CEP162: variants seen among roughly 807,000 people sequenced by gnomAD.
The protein encoded by CEP162 is centrosomal protein 162.
CEP162 carries 141 observed loss-of-function variants against 169.2 expected under a neutral mutation model. That is an observed-to-expected ratio of 0.83 (90% CI 0.73 to 0.96). CEP162 has a LOEUF of 0.96. Among genes scored for constraint, CEP162 ranks in the 40% least tolerant of loss-of-function variants. CEP162 has a pLI of 0.00. For synonymous variants in CEP162, 540 were observed against 526.4 expected, an observed-to-expected ratio of 1.03 and a Z score of -0.35; for missense variants, 1,600 against 1,587.2, an observed-to-expected ratio of 1.01 and a Z score of -0.14.
At chr6:84,192,399 G>A (rs1175936638) in intron 11 of CEP162, among the ~76,000 whole-genome samples, 1 of 152,200 alleles carries the variant, frequency 6.6e-6, no homozygotes, top group Admixed American at 6.5e-5. Flanking sequence ...GAAAATCTCT[G>A]TAGTTACCGC....
chr6:84,186,819 G>A (rs892414470), intron 11 of CEP162, among the ~76,000 whole-genome samples, 196 bp from the exon 12 acceptor site: 7 of 151,932 alleles, frequency 4.6e-5, no homozygotes, highest in Non-Finnish European at 8.8e-5. Flanking sequence ...TTTTAATTTC[G>A]GATAATAATT....
chr6:84,159,523 T>TTATATATATATATATATATATATATA (rs1554166777), intron 21 of CEP162, among the ~76,000 whole-genome samples: 1 of 37,142 alleles, frequency 2.7e-5, no homozygotes, highest in African/African-American at 1.1e-4. Context: ...AATTAATTAT[T>TTATATATATATATATATATATATATA]TATATATATA....
At chr6:84,147,134 C>T (rs538797114) in intron 24 of CEP162, among the ~76,000 whole-genome samples, 1 of 152,098 alleles carries the variant, frequency 6.6e-6, no homozygotes, top group East Asian at 1.9e-4. Flanking sequence ...GATATATATA[C>T]CCAATGGAAT....
chr6:84,133,630 G>A (rs1355787823), intron 25 of CEP162, among the ~76,000 whole-genome samples: 1 of 152,194 alleles, frequency 6.6e-6, no homozygotes, highest in Non-Finnish European at 1.5e-5. Context: ...TGCTAGCAGT[G>A]AGCAAGGCTC....
At chr6:84,216,659 T>C (rs2127751335) in intron 3 of CEP162, among the ~76,000 whole-genome samples, 1 of 152,338 alleles carries the variant, frequency 6.6e-6, no homozygotes, top group African/African-American at 2.4e-5. Context: ...ATTATAGATA[T>C]TTCTTAGACA....
chr6:84,193,676 C>A lies in CEP162; in HGVS notation c.1042G>T (p.Glu348Ter). 1 of 1,563,396 alleles carries A rather than the reference C, an allele frequency of 6.4e-7. No homozygotes were observed. The highest frequency in any genetic ancestry group is 2.3e-5 in the East Asian group (1 of 42,788). The change falls in exon 11 of 27, where the codon GAG (glutamate) becomes TAG (stop). Residue 348 changes from glutamate to a stop codon, truncating the protein, a stop_gained. Transcript: ENST00000403245. LOFTEE classifies it high-confidence loss of function. ...STMESDLPTVEELMKPIRIDS... is the reference protein window; with the variant it reads ...STMESDLPTV Reference sequence around the variant, plus strand: ...ATTCTGATAGGTTTCATCAGCTCCTCTACTGTGGGCAGATCTAAGAGGTGG... The same window carrying A: ...ATTCTGATAGGTTTCATCAGCTCCTATACTGTGGGCAGATCTAAGAGGTGG...
intron 15 of CEP162, 100 bp from the exon 16 acceptor site, chr6:84,174,288 CT>C: frequency 1.1e-6 from 1 of 940,062 alleles, no homozygotes; most frequent in South Asian, 1.7e-5. Context: ...CGAAAACTGT[CT>C]TATAATATTG....
intron 13 of CEP162, among the ~76,000 whole-genome samples, chr6:84,177,542 T>C (rs1253483760): frequency 6.6e-6 from 1 of 152,112 alleles, no homozygotes; most frequent in East Asian, 1.9e-4. Context: ...ATAATCTTTA[T>C]TTATTTATTT....
At position 84,152,628 on chromosome 6, in the gene CEP162, C is replaced by A; in HGVS notation, c.3546G>T (p.Glu1182Asp). ...VLQENYRLKN[E>D]LEGLISEKNE... ...TCTTCTCTGAAATTAATCCTTCTAGCTCATTTTTTAATCTGTAGTTTTCTT... is the reference window on the plus strand; with the variant it reads ...TCTTCTCTGAAATTAATCCTTCTAGATCATTTTTTAATCTGTAGTTTTCTT... The change falls in exon 23 of 27, where the codon GAG (glutamate) becomes GAT (aspartate). Residue 1182 changes from glutamate (E) to aspartate (D), a missense_variant. Coordinates refer to ENST00000403245, the MANE Select transcript of CEP162 (RefSeq NM_014895.4). 1 of 1,584,200 alleles carries A rather than the reference C, an allele frequency of 6.3e-7. No homozygotes were observed. Among genetic ancestry groups the A allele is most frequent in the Non-Finnish European group, 8.6e-7 (1 of 1,163,882 alleles).
intron 6 of CEP162, among the ~76,000 whole-genome samples, chr6:84,212,519 A>T (rs1446457823): frequency 4.4e-4 from 67 of 152,234 alleles, no homozygotes; most frequent in Non-Finnish European, 3.4e-4. Flanking sequence ...AGGGCAACTA[A>T]GAAAAAAATA....
chr6:84,151,249 A>G (rs1004723775), intron 23 of CEP162, among the ~76,000 whole-genome samples: 3 of 152,084 alleles, frequency 2.0e-5, no homozygotes, highest in Non-Finnish European at 4.4e-5. Flanking sequence ...AAAGAATATT[A>G]ATGATTTTTA....
chr6:84,218,961 T>G, intron 3 of CEP162: 1 of 290,608 alleles, frequency 3.4e-6, no homozygotes, highest in East Asian at 1.1e-4. Flanking sequence ...AAGATCCAGT[T>G]TAGTTATTTA....
chr6:84,225,650 T>C (rs2099555416), intron 2 of CEP162, among the ~76,000 whole-genome samples: 3 of 150,874 alleles, frequency 2.0e-5, no homozygotes, highest in Non-Finnish European at 4.4e-5. Context: ...GTCATCACAT[T>C]ACAGACCATA....
At chr6:84,168,089 A>G (rs146864069) in intron 18 of CEP162, among the ~76,000 whole-genome samples, 5 of 152,132 alleles carry the variant, frequency 3.3e-5, no homozygotes, top group South Asian at 2.1e-4. Flanking sequence ...GAGTTTTCAA[A>G]TTTTCTGCCA....
At chr6:84,135,895 G>GTATC (rs2099513875) in intron 25 of CEP162, among the ~76,000 whole-genome samples, 1 of 152,188 alleles carries the variant, frequency 6.6e-6, no homozygotes, top group Non-Finnish European at 1.5e-5. Context: ...CTGGTACACT[G>GTATC]TATCTGTGTA....
At chr6:84,193,131 G>A (rs761418338) in intron 11 of CEP162, among the ~76,000 whole-genome samples, 3 of 152,224 alleles carry the variant, frequency 2.0e-5, no homozygotes, top group Non-Finnish European at 1.5e-5. Context: ...GTTGAAGAAT[G>A]ACAGTGGGTC....
chr6:84,153,546 T>G lies in CEP162; in HGVS notation c.2995-367A>C, dbSNP rs114677685. On this transcript the variant is annotated intron_variant, in intron 22 of 26. Coordinates refer to ENST00000403245, the MANE Select transcript of CEP162 (RefSeq NM_014895.4). ...CTTCGAGGATAAACAGTAAAGCAAC[T>G]GGGGGCACTGAAGTCTTCGGGAAAC... Among the ~76,000 whole-genome samples the G allele has an allele frequency of 6.0e-3, 907 of 152,266 alleles. 7 individuals are homozygous for G. Among genetic ancestry groups the G allele is most frequent in the African/African-American group, 0.021 (871 of 41,548 alleles).
chr6:84,204,725 G>C (rs943797043), intron 6 of CEP162, among the ~76,000 whole-genome samples: 1 of 152,130 alleles, frequency 6.6e-6, no homozygotes, highest in African/African-American at 2.4e-5. Flanking sequence ...AAATAACTAA[G>C]ATCAGAGCAG....
chr6:84,218,370 T>G (rs2099552346), intron 3 of CEP162, among the ~76,000 whole-genome samples: 1 of 152,238 alleles, frequency 6.6e-6, no homozygotes, highest in Non-Finnish European at 1.5e-5. Flanking sequence ...TGGACCGTGC[T>G]CGTCCTCATA....
Sources: gnomAD v4.1 joint callset for allele counts (sites outside exome capture counted in the v4.1 genomes callset) on GRCh38, gnomAD v4.1.1 for gene constraint, MANE v1.5 for transcripts, NCBI Gene and HGNC (gene_info 2026-07-23, HGNC 2026-07-21) for gene names.